Variants in HS6ST3 observed in about 807,000 individuals in gnomAD.
The protein encoded by HS6ST3 is heparan-sulfate 6-O-sulfotransferase 3.
Under a neutral mutation model 36.7 loss-of-function variants are expected in HS6ST3, and 12 were observed. That is an observed-to-expected ratio of 0.33 (90% CI 0.21 to 0.53). The LOEUF (loss-of-function observed/expected upper bound fraction) is 0.53. HS6ST3 is among the 20% of genes least tolerant of loss of function. The probability of loss-of-function intolerance (pLI) is 0.95; values close to 1 mark genes in which losing one functional copy is unlikely to be tolerated. For synonymous variants in HS6ST3, 240 were observed against 257.5 expected, an observed-to-expected ratio of 0.93 and a Z score of 0.65; for missense variants, 584 against 640.9, an observed-to-expected ratio of 0.91 and a Z score of 0.96.
intron 1 of HS6ST3, among the ~76,000 whole-genome samples, chr13:96,284,907 T>TTTTCTTTC (rs1555295577): frequency 7.0e-5 from 9 of 129,384 alleles, no homozygotes; most frequent in African/African-American, 2.8e-4. Flanking sequence ...TGAATGCATA[T>TTTTCTTTC]TTGCTTTCTT....
intron 1 of HS6ST3, among the ~76,000 whole-genome samples, chr13:96,138,551 C>T (rs1057076189): frequency 1.3e-5 from 2 of 151,702 alleles, no homozygotes; most frequent in Non-Finnish European, 2.9e-5. Context: ...TCACCACAAC[C>T]AAGATGATGA....
At chr13:96,469,452 A>G (rs1456969275) in intron 1 of HS6ST3, among the ~76,000 whole-genome samples, 4 of 152,108 alleles carry the variant, frequency 2.6e-5, no homozygotes, top group Non-Finnish European at 5.9e-5. Context: ...GATGGTATCC[A>G]GCTCCTCCAC....
intron 1 of HS6ST3, among the ~76,000 whole-genome samples, chr13:96,456,411 G>A (rs2055754854): frequency 6.6e-6 from 1 of 152,096 alleles, no homozygotes; most frequent in Non-Finnish European, 1.5e-5. Flanking sequence ...TGAATATCCA[G>A]TAGCCCTCTA....
intron 1 of HS6ST3, among the ~76,000 whole-genome samples, chr13:96,127,830 AG>A (rs1460275021): frequency 6.6e-6 from 1 of 152,202 alleles, no homozygotes; most frequent in African/African-American, 2.4e-5. Flanking sequence ...TAGGAATCAG[AG>A]TGAAGTCATC....
chr13:96,328,043 T>A lies in HS6ST3; in HGVS notation c.707+236474T>A, dbSNP rs1423419022. 3.4e-5 allele frequency among the ~76,000 whole-genome samples: 5 copies of A among 147,932 alleles called. No individual in the cohort carries two copies. The East Asian group carries it at 9.9e-4, about 29-fold the overall frequency. On this transcript the variant is annotated intron_variant, in intron 1 of 1. Transcript: ENST00000376705. ...CTACATTGATTTTGTATCCTGAGAC[T>A]TTGCTGAAGTTGCTTATCAGCTTAA...
chr13:96,522,388 C>G (rs1171792389), intron 1 of HS6ST3, among the ~76,000 whole-genome samples: 1 of 152,114 alleles, frequency 6.6e-6, no homozygotes, highest in Non-Finnish European at 1.5e-5. Context: ...GAGCTGAGTT[C>G]AAGTCCTGGA....
chr13:96,690,148 G>GT (rs564923661), intron 1 of HS6ST3, among the ~76,000 whole-genome samples: 122 of 152,090 alleles, frequency 8.0e-4, no homozygotes, highest in African/African-American at 2.8e-3. Flanking sequence ...ACAACATTAG[G>GT]TTTAATAGCA....
chr13:96,532,127 A>T (rs185221017), intron 1 of HS6ST3, among the ~76,000 whole-genome samples: 22 of 152,290 alleles, frequency 1.4e-4, no homozygotes, highest in African/African-American at 5.3e-4. Context: ...GTATGCTGTC[A>T]CCCTTTCCTG....
intron 1 of HS6ST3, among the ~76,000 whole-genome samples, chr13:96,456,848 C>T (rs1255496362): frequency 6.6e-6 from 1 of 151,846 alleles, no homozygotes; most frequent in Non-Finnish European, 1.5e-5. Context: ...ATATCTTTTT[C>T]TTTCTCCGAT....
chr13:96,334,590 G>T (rs926940197), intron 1 of HS6ST3, among the ~76,000 whole-genome samples: 6 of 152,226 alleles, frequency 3.9e-5, no homozygotes, highest in African/African-American at 1.4e-4. Flanking sequence ...CACAATGATG[G>T]TGGAAGTCAA....
chr13:96,247,913 G>A (rs1020085630), intron 1 of HS6ST3, among the ~76,000 whole-genome samples: 6 of 152,158 alleles, frequency 3.9e-5, no homozygotes, highest in African/African-American at 1.4e-4. Context: ...TAGGGATAGG[G>A]TTAGTTGCCT....
chr13:96,380,841 T>C (rs1023228140), intron 1 of HS6ST3, among the ~76,000 whole-genome samples: 57 of 152,330 alleles, frequency 3.7e-4, no homozygotes, highest in African/African-American at 1.3e-3. Context: ...ATTCTGTCGA[T>C]GTAAAAAGAA....
intron 1 of HS6ST3, among the ~76,000 whole-genome samples, chr13:96,123,798 A>G (rs996296095): frequency 6.6e-6 from 1 of 152,184 alleles, no homozygotes; most frequent in African/African-American, 2.4e-5. Flanking sequence ...GATTGCCTTT[A>G]TAACTCATCT....
intron 1 of HS6ST3, among the ~76,000 whole-genome samples, chr13:96,563,490 C>T (rs1344333000): frequency 6.6e-6 from 1 of 152,124 alleles, no homozygotes; most frequent in Non-Finnish European, 1.5e-5. Flanking sequence ...GTTGAGAAAG[C>T]TGCTCTATCT....
chr13:96,710,829 G>T (rs745926948), intron 1 of HS6ST3, among the ~76,000 whole-genome samples: 2 of 152,210 alleles, frequency 1.3e-5, no homozygotes, highest in Non-Finnish European at 2.9e-5. Flanking sequence ...GAGGATTCTG[G>T]ATGGGAGATC....
intron 1 of HS6ST3, among the ~76,000 whole-genome samples, chr13:96,244,162 T>C (rs917870520): frequency 3.3e-5 from 5 of 152,118 alleles, no homozygotes; most frequent in African/African-American, 7.2e-5. Flanking sequence ...AATGAAAAAA[T>C]AGTAATTATT....
At chr13:96,159,335 T>A (rs1040379488) in intron 1 of HS6ST3, among the ~76,000 whole-genome samples, 1 of 152,206 alleles carries the variant, frequency 6.6e-6, no homozygotes, top group Non-Finnish European at 1.5e-5. Flanking sequence ...TTCATTTTAT[T>A]TTATTCTTTT....
intron 1 of HS6ST3, among the ~76,000 whole-genome samples, chr13:96,355,486 T>C (rs1040707255): frequency 6.6e-6 from 1 of 151,714 alleles, no homozygotes; most frequent in Non-Finnish European, 1.5e-5. Context: ...AATATAGCAA[T>C]AAAGTGAGTC....
intron 1 of HS6ST3, among the ~76,000 whole-genome samples, chr13:96,804,963 A>G (rs1440514191): frequency 6.6e-6 from 1 of 152,220 alleles, no homozygotes; most frequent in East Asian, 1.9e-4. Flanking sequence ...TGTTTCACAA[A>G]GGTTGTAAAC....
Sources: allele counts gnomAD v4.1 joint callset (sites outside exome capture counted in the v4.1 genomes callset), GRCh38; gene constraint gnomAD v4.1.1; transcripts MANE v1.5; gene names NCBI Gene and HGNC (gene_info 2026-07-23, HGNC 2026-07-21).